DLGAP2: variants seen among roughly 807,000 people sequenced by gnomAD.
DLGAP2 encodes DLG associated protein 2.
In DLGAP2, 26 loss-of-function variants were observed where a neutral mutation model predicts 100.3. The ratio of observed to expected loss-of-function variants is 0.26; its 90% CI spans 0.19 to 0.36. The LOEUF (loss-of-function observed/expected upper bound fraction) is 0.36. DLGAP2 is among the 10% of genes least tolerant of loss of function. DLGAP2 has a pLI of 1.00. For synonymous variants in DLGAP2, 886 were observed against 630.1 expected (o/e 1.41, Z -6.08); for missense variants, 1,858 against 1,453.2 (o/e 1.28, Z -4.53).
Position 1,151,970 on chromosome 8 carries a change from A to G in DLGAP2, c.74-106881A>G, listed in dbSNP as rs149173232. The stretch of plus-strand genomic sequence containing the variant: ...GTTGGAATACATGTTGGTTCCCACA[A>G]GACACCTGCGAGTAGTTTTCTCACC... On this transcript the variant is annotated intron_variant, in intron 2 of 14. Coordinates refer to ENST00000637795, the MANE Select transcript of DLGAP2 (RefSeq NM_001346810.2). 4.6e-4 allele frequency among the ~76,000 whole-genome samples: 70 copies of G among 152,374 alleles called. 1 individual carries two copies. The East Asian group carries it at 0.013, about 27-fold the overall frequency.
intron 1 of DLGAP2, among the ~76,000 whole-genome samples, chr8:905,450 TC>T (rs111780228): frequency 2.6e-5 from 4 of 151,502 alleles, no homozygotes; most frequent in Admixed American, 1.3e-4. Flanking sequence ...CTCAAGCGAT[TC>T]CCCCCCCACA....
At chr8:1,420,604 G>T (rs560165858) in intron 3 of DLGAP2, among the ~76,000 whole-genome samples, 45 of 152,308 alleles carry the variant, frequency 3.0e-4, no homozygotes, top group African/African-American at 1.1e-3. Context: ...GAGCATCAAT[G>T]TCAAAGCCTG....
At chr8:1,633,953 C>G (rs6981355) in intron 8 of DLGAP2, among the ~76,000 whole-genome samples, 9,446 of 152,206 alleles carry the variant, frequency 0.062, 935 homozygotes, top group African/African-American at 0.21. Flanking sequence ...TGTCATCATA[C>G]CTGTGAATAG....
chr8:1,341,046 C>T (rs188067968), intron 3 of DLGAP2, among the ~76,000 whole-genome samples: 2 of 152,074 alleles, frequency 1.3e-5, no homozygotes, highest in East Asian at 1.9e-4. Flanking sequence ...AACTCACGGA[C>T]ACATAGAGGG....
At chr8:1,208,812 G>T (rs1447665579) in intron 2 of DLGAP2, among the ~76,000 whole-genome samples, 2 of 151,862 alleles carry the variant, frequency 1.3e-5, no homozygotes, top group Admixed American at 1.3e-4. Flanking sequence ...GAACAATAGT[G>T]ACGGAGCTGA....
intron 3 of DLGAP2, among the ~76,000 whole-genome samples, chr8:1,349,992 A>C (rs1801670552): frequency 6.6e-6 from 1 of 152,228 alleles, no homozygotes; most frequent in Non-Finnish European, 1.5e-5. Flanking sequence ...AGCAACCAAA[A>C]CAACACATAT....
chr8:1,191,789 C>G (rs1437512936), intron 2 of DLGAP2, among the ~76,000 whole-genome samples: 1 of 152,090 alleles, frequency 6.6e-6, no homozygotes, highest in Non-Finnish European at 1.5e-5. Context: ...CCTTGAAATT[C>G]AATTGTATAG....
At chr8:904,636 G>A (rs1711543876) in intron 1 of DLGAP2, among the ~76,000 whole-genome samples, 1 of 152,204 alleles carries the variant, frequency 6.6e-6, no homozygotes, top group Non-Finnish European at 1.5e-5. Flanking sequence ...CCCTGCTCAG[G>A]CTGATGCCAC....
At chr8:1,604,857 C>T (rs1270831602) in intron 6 of DLGAP2, 1 of 152,064 alleles carries the variant, frequency 6.6e-6, no homozygotes, top group East Asian at 1.9e-4. Flanking sequence ...AATGAAGATA[C>T]CACAGGCAGA....
intron 2 of DLGAP2, among the ~76,000 whole-genome samples, chr8:1,088,690 A>G (rs1333840287): frequency 3.4e-4 from 25 of 74,264 alleles, no homozygotes; most frequent in East Asian, 8.3e-4. Context: ...CTCACTCCCC[A>G]GTCTCATTCT....
chr8:976,603 C>A (rs1416579442), intron 2 of DLGAP2, among the ~76,000 whole-genome samples: 1 of 152,088 alleles, frequency 6.6e-6, no homozygotes, highest in African/African-American at 2.4e-5. Context: ...CAGAGCAAGA[C>A]TCTGTCTCAA....
At chr8:824,132 TG>T (rs1300582939) in intron 1 of DLGAP2, among the ~76,000 whole-genome samples, 1 of 152,078 alleles carries the variant, frequency 6.6e-6, no homozygotes, top group Non-Finnish European at 1.5e-5. Flanking sequence ...TGGAATGCAG[TG>T]GTACCATCAT....
chr8:1,196,225 T>C (rs17669047), intron 2 of DLGAP2, among the ~76,000 whole-genome samples: 8,520 of 152,354 alleles, frequency 0.056, 284 homozygotes, highest in Non-Finnish European at 0.079. Context: ...TCAATTCTTT[T>C]AGAAGTAGGC....
At chr8:1,199,898 C>T (rs1010673233) in intron 2 of DLGAP2, among the ~76,000 whole-genome samples, 3 of 152,090 alleles carry the variant, frequency 2.0e-5, no homozygotes, top group Non-Finnish European at 4.4e-5. Context: ...CTCTACACCG[C>T]CCCCTCCCCT....
At chr8:1,452,547 G>A (rs77074826) in intron 3 of DLGAP2, among the ~76,000 whole-genome samples, 10,976 of 152,278 alleles carry the variant, frequency 0.072, 586 homozygotes, top group East Asian at 0.2. Context: ...GGGGAGAGCT[G>A]GAGGCCCAGT....
intron 2 of DLGAP2, among the ~76,000 whole-genome samples, chr8:1,000,136 G>C (rs1395267723): frequency 1.4e-5 from 2 of 147,930 alleles, no homozygotes; most frequent in Non-Finnish European, 3.0e-5. Flanking sequence ...GGGTGGACGT[G>C]GTTTTCTTTT....
intron 1 of DLGAP2, chr8:893,235 G>A (rs1348425880): frequency 6.6e-6 from 1 of 152,182 alleles, no homozygotes; most frequent in Admixed American, 6.5e-5. Flanking sequence ...GGTCATGGGA[G>A]AGTCCTGCCC....
rs914664979 is a variant in DLGAP2, at chr8:778,994, C to T, written c.18+41169C>T. Among the ~76,000 whole-genome samples the T allele has an allele frequency of 8.5e-5, 13 of 152,370 alleles. No individual in the cohort carries two copies. In the East Asian group the frequency reaches 1.9e-3, roughly 23 times the overall value. ...ACTGCTGTGCTAGCAATCAGCGAGA[C>T]TCCGTGGGGTAGGACCCTCTGAGCC... On this transcript the variant is annotated intron_variant, in intron 1 of 14. Coordinates refer to ENST00000637795, the MANE Select transcript of DLGAP2 (RefSeq NM_001346810.2).
At chr8:1,345,039 G>A (rs1292585852) in intron 3 of DLGAP2, among the ~76,000 whole-genome samples, 1 of 152,190 alleles carries the variant, frequency 6.6e-6, no homozygotes, top group Admixed American at 6.5e-5. Flanking sequence ...ATCTTTCAGA[G>A]GAATCATTTG....
Sources: gnomAD v4.1 joint callset for allele counts (sites outside exome capture counted in the v4.1 genomes callset) on GRCh38, gnomAD v4.1.1 for gene constraint, MANE v1.5 for transcripts, NCBI Gene and HGNC (gene_info 2026-07-23, HGNC 2026-07-21) for gene names.